Variants in SDCCAG8 observed in about 807,000 individuals in gnomAD.
The protein encoded by SDCCAG8 is serologically defined colon cancer antigen 8.
Under a neutral mutation model 101.8 loss-of-function variants are expected in SDCCAG8, and 74 were observed. The ratio of observed to expected loss-of-function variants is 0.73; its 90% CI spans 0.60 to 0.88. SDCCAG8 has a LOEUF of 0.88. SDCCAG8 is among the 40% of genes least tolerant of loss of function. The probability of loss-of-function intolerance (pLI) is 0.00; values close to 1 mark genes in which losing one functional copy is unlikely to be tolerated. For synonymous variants in SDCCAG8, 281 were observed against 292.9 expected (o/e 0.96, Z 0.41); for missense variants, 787 against 822.6 (o/e 0.96, Z 0.53).
At chr1:243,343,257 C>T (rs537857551) in intron 11 of SDCCAG8, among the ~76,000 whole-genome samples, 26 of 152,182 alleles carry the variant, frequency 1.7e-4, no homozygotes, top group East Asian at 3.9e-4. Flanking sequence ...GAAAGCATAA[C>T]GGTGAGATAA....
At chr1:243,381,512 T>C (rs1346778547) in intron 13 of SDCCAG8, among the ~76,000 whole-genome samples, 1 of 151,922 alleles carries the variant, frequency 6.6e-6, no homozygotes. Flanking sequence ...TCACTTGAAC[T>C]CTGAGGTTCA....
At position 243,256,304 on chromosome 1, in the gene SDCCAG8, A is replaced by G; in HGVS notation, c.67+64A>G. ...CCCAGGGCCTAGTGGGCGGGAGCAGACCAGGTGCGTTTCCTAACACCTGGG... is the reference window on the plus strand; with the variant it reads ...CCCAGGGCCTAGTGGGCGGGAGCAGGCCAGGTGCGTTTCCTAACACCTGGG... On this transcript the variant is annotated intron_variant, in intron 1 of 17. Coordinates refer to ENST00000366541, the MANE Select transcript of SDCCAG8 (RefSeq NM_006642.5). 2.1e-6 allele frequency: 3 copies of G among 1,395,478 alleles called. No individual in the cohort carries two copies. The South Asian group carries it at 3.5e-5, about 16-fold the overall frequency. The allele number at this position is 1,395,478 out of a possible 1,614,324, so 86.4% of individuals were successfully genotyped here.
intron 10 of SDCCAG8, among the ~76,000 whole-genome samples, chr1:243,340,360 T>G (rs2075312435): frequency 1.3e-5 from 2 of 152,210 alleles, no homozygotes; most frequent in African/African-American, 4.8e-5. Context: ...CAGGCATGAC[T>G]GTCTCAGTGC....
chr1:243,375,054 T>A lies in SDCCAG8; in HGVS notation c.1474-3667T>A, dbSNP rs566366735. Among the ~76,000 whole-genome samples, 97 of 152,214 alleles carry A rather than the reference T, an allele frequency of 6.4e-4. 3 individuals are homozygous for A. The South Asian group carries it at 0.02, about 31-fold the overall frequency. ...ATGCTTGTCTCAGCAGTGAGCAAAT[T>A]TTTCATAATCATTATAATGTAAATG... is the stretch of plus-strand genomic sequence containing the variant. On this transcript the variant is annotated intron_variant, in intron 12 of 17. Transcript: ENST00000366541.
At chr1:243,447,274 A>C (rs1433295136) in intron 16 of SDCCAG8, among the ~76,000 whole-genome samples, 3 of 151,178 alleles carry the variant, frequency 2.0e-5, no homozygotes, top group Admixed American at 6.6e-5. Context: ...AAAAAAAAAA[A>C]AACCATGCCT....
chr1:243,301,990 G>T (rs1297170540), intron 6 of SDCCAG8, among the ~76,000 whole-genome samples: 1 of 152,168 alleles, frequency 6.6e-6, no homozygotes, highest in Non-Finnish European at 1.5e-5. Context: ...GCTCACACTT[G>T]TAATTCCAGC....
chr1:243,379,138 C>T (rs1192998962), intron 13 of SDCCAG8, among the ~76,000 whole-genome samples: 2 of 152,076 alleles, frequency 1.3e-5, no homozygotes, highest in South Asian at 4.1e-4. Context: ...ACATATTTCT[C>T]CTACCACCAC....
chr1:243,265,681 C>G (rs866044455), intron 1 of SDCCAG8, among the ~76,000 whole-genome samples: 1 of 151,914 alleles, frequency 6.6e-6, no homozygotes, highest in Non-Finnish European at 1.5e-5. Context: ...GGTGTGGTGG[C>G]GCATGCCTGT....
intron 10 of SDCCAG8, among the ~76,000 whole-genome samples, chr1:243,331,436 GA>G (rs2074585947): frequency 6.6e-6 from 1 of 152,198 alleles, no homozygotes. Flanking sequence ...TTCAATGTGT[GA>G]TAATTAACTT....
chr1:243,435,498 T>C (rs1285626853), intron 16 of SDCCAG8, among the ~76,000 whole-genome samples: 2 of 152,220 alleles, frequency 1.3e-5, no homozygotes, highest in Non-Finnish European at 2.9e-5. Flanking sequence ...CTGAGCTCTG[T>C]TCTGGATTCT....
At chr1:243,257,908 C>T (rs1181905757) in intron 1 of SDCCAG8, among the ~76,000 whole-genome samples, 2 of 152,166 alleles carry the variant, frequency 1.3e-5, no homozygotes, top group Non-Finnish European at 1.5e-5. Context: ...CCTGATGCTT[C>T]TCTTCCTTTG....
At chr1:243,441,517 C>T (rs901356452) in intron 16 of SDCCAG8, among the ~76,000 whole-genome samples, 3 of 152,132 alleles carry the variant, frequency 2.0e-5, no homozygotes, top group Non-Finnish European at 4.4e-5. Flanking sequence ...AATTTATGCT[C>T]TTCTACAGTA....
At chr1:243,483,874 CT>C (rs1664266073) in intron 16 of SDCCAG8, among the ~76,000 whole-genome samples, 1 of 152,250 alleles carries the variant, frequency 6.6e-6, no homozygotes, top group South Asian at 2.1e-4. Context: ...TGCAGAAGAG[CT>C]TCTCAGCTAG....
At chr1:243,315,390 A>G (rs2149329745) in intron 8 of SDCCAG8, among the ~76,000 whole-genome samples, 1 of 152,320 alleles carries the variant, frequency 6.6e-6, no homozygotes, top group South Asian at 2.1e-4. Flanking sequence ...ATATTCGATT[A>G]AAACAATTTA....
intron 16 of SDCCAG8, among the ~76,000 whole-genome samples, chr1:243,469,830 G>GTTTTTTTTTTTT (rs746906257): frequency 1.1e-4 from 13 of 123,518 alleles, no homozygotes; most frequent in African/African-American, 3.8e-4. Flanking sequence ...GAAAGTGTTG[G>GTTTTTTTTTTTT]TTTTTTTTTT....
At chr1:243,362,384 G>C (rs1030010636) in intron 12 of SDCCAG8, among the ~76,000 whole-genome samples, 2 of 152,110 alleles carry the variant, frequency 1.3e-5, no homozygotes, top group Non-Finnish European at 2.9e-5. Context: ...ACAGTAACTG[G>C]ATGGATAGGT....
chr1:243,350,330 TC>T (rs1336981882), intron 12 of SDCCAG8, among the ~76,000 whole-genome samples: 1 of 152,056 alleles, frequency 6.6e-6, no homozygotes, highest in African/African-American at 2.4e-5. Flanking sequence ...TGCCTCAGCC[TC>T]CCAAGTAGCT....
In SDCCAG8 at chr1:243,263,705, G is replaced by A. The variant is rs942117794; in HGVS notation, c.68-6400G>A. 3.0e-5 allele frequency among the ~76,000 whole-genome samples: 4 copies of A among 133,940 alleles called. No individual in the cohort carries two copies. In the South Asian group the frequency reaches 6.3e-4, roughly 21 times the overall value. The allele number at this position is 133,940 out of a possible 152,430, so 87.9% of individuals were successfully genotyped here. On this transcript the variant is annotated intron_variant, in intron 1 of 17. Coordinates refer to ENST00000366541, the MANE Select transcript of SDCCAG8 (RefSeq NM_006642.5). ...TATCAGATTATCTTTTACTCCTGGC[G>A]CCAACCACTTTAGCATGTTTTCAGT...
intron 10 of SDCCAG8, among the ~76,000 whole-genome samples, chr1:243,335,444 G>A (rs2074931378): frequency 6.6e-6 from 1 of 152,128 alleles, no homozygotes; most frequent in Non-Finnish European, 1.5e-5. Flanking sequence ...TTGCCTTGCT[G>A]AGTAGTTCTA....
Sources: gnomAD v4.1 joint callset for allele counts (sites outside exome capture counted in the v4.1 genomes callset) on GRCh38, gnomAD v4.1.1 for gene constraint, MANE v1.5 for transcripts, NCBI Gene and HGNC (gene_info 2026-07-23, HGNC 2026-07-21) for gene names.